Variants in LARGE1 observed in about 807,000 individuals in gnomAD.
LARGE1 encodes the protein xylosyl- and glucuronyltransferase LARGE1.
Under a neutral mutation model 87.6 loss-of-function variants are expected in LARGE1, and 43 were observed. The observed-to-expected ratio is 0.49, with a 90% CI of 0.38 to 0.63. The LOEUF (loss-of-function observed/expected upper bound fraction) is 0.63, where lower values mean the gene tolerates loss of function less well. Among genes scored for constraint, LARGE1 ranks in the 30% least tolerant of loss-of-function variants. The pLI, the probability that LARGE1 is intolerant of heterozygous loss-of-function variation, is 0.00. For synonymous variants in LARGE1, 434 were observed against 394.6 expected (o/e 1.10, Z -1.18); for missense variants, 802 against 1,000.2 (o/e 0.80, Z 2.67).
chr22:33,340,977 C>T (rs1939078871), intron 9 of LARGE1, among the ~76,000 whole-genome samples: 1 of 151,816 alleles, frequency 6.6e-6, no homozygotes, highest in Admixed American at 6.6e-5. Flanking sequence ...AATAGCTTTT[C>T]CCTCAATAGC....
chr22:33,198,676 C>CATAT lies in LARGE1; in HGVS notation c.1731-31845_1731-31844insATAT, dbSNP rs60375534. Among the ~76,000 whole-genome samples, 1,162 of 148,556 alleles carry CATAT rather than the reference C, an allele frequency of 7.8e-3. 12 individuals are homozygous for CATAT. The highest frequency in any genetic ancestry group is 0.022 in the African/African-American group (872 of 39,988). ...ACACACACACACACACACACACACACGTATCTAAAATACTATACTACATGG... is the reference window on the plus strand; with the variant it reads ...ACACACACACACACACACACACACACATATGTATCTAAAATACTATACTACATGG... On this transcript the variant is annotated intron_variant, in intron 11 of 11. Coordinates refer to the LARGE1 transcript ENST00000608642.
At position 33,267,422 on chromosome 22, in the gene LARGE1, C is replaced by T. The variant is rs574183251; in HGVS notation, c.1730+36807G>A. ...GATCTGTTGTCAAAGGACAGGATTA[C>T]ATCAAAGTCTTCCATCAATTTCTTT... On this transcript the variant is annotated intron_variant, in intron 11 of 11. Transcript: ENST00000608642. Among the ~76,000 whole-genome samples the T allele has an allele frequency of 4.0e-5, 6 of 151,832 alleles. 1 individual carries two copies. Among genetic ancestry groups the T allele is most frequent in the African/African-American group, 1.5e-4 (6 of 41,106 alleles).
intron 6 of LARGE1, among the ~76,000 whole-genome samples, chr22:33,467,787 G>A (rs2068675574): frequency 1.3e-5 from 2 of 152,162 alleles, no homozygotes; most frequent in East Asian, 1.9e-4. Flanking sequence ...CAACAGAGGC[G>A]CTGGCTGCTC....
chr22:33,873,645 C>T (rs184152726), intron 1 of LARGE1, among the ~76,000 whole-genome samples: 3 of 152,188 alleles, frequency 2.0e-5, no homozygotes, highest in Admixed American at 1.3e-4. Context: ...CAACGTGCCT[C>T]TGTTTACCCA....
chr22:33,216,250 C>T (rs1398784297), intron 11 of LARGE1, among the ~76,000 whole-genome samples: 1 of 152,190 alleles, frequency 6.6e-6, no homozygotes, highest in African/African-American at 2.4e-5. Flanking sequence ...TGAATGTGCC[C>T]TCCCCCACAA....
At chr22:33,219,817 GC>G (rs1170046155) in intron 11 of LARGE1, among the ~76,000 whole-genome samples, 6 of 152,118 alleles carry the variant, frequency 3.9e-5, no homozygotes, top group Non-Finnish European at 8.8e-5. Flanking sequence ...TGCCCAGCCT[GC>G]CCACGGAGCA....
intron 11 of LARGE1, chr22:33,305,546 G>A (rs1172462150): frequency 7.1e-6 from 7 of 979,342 alleles, no homozygotes; most frequent in Non-Finnish European, 8.5e-6. Context: ...CAAGAGGTAC[G>A]TAATCAGCAG....
At chr22:33,817,745 TTAGCATTCAG>T (rs1601689526) in intron 1 of LARGE1, among the ~76,000 whole-genome samples, 1 of 152,200 alleles carries the variant, frequency 6.6e-6, no homozygotes, top group Non-Finnish European at 1.5e-5. Context: ...CTCACCGATA[TTAGCATTCAG>T]TAGTACACCT....
chr22:33,919,614 G>A (rs566239542), intron 1 of LARGE1, among the ~76,000 whole-genome samples: 5 of 152,388 alleles, frequency 3.3e-5, no homozygotes, highest in African/African-American at 1.2e-4. Flanking sequence ...AAAGGTAGTT[G>A]CGTACCGCCC....
chr22:33,541,417 C>T (rs1460003546), intron 6 of LARGE1, among the ~76,000 whole-genome samples: 1 of 152,100 alleles, frequency 6.6e-6, no homozygotes, highest in Non-Finnish European at 1.5e-5. Flanking sequence ...AGAATCCATC[C>T]TATATGCACA....
intron 9 of LARGE1, among the ~76,000 whole-genome samples, chr22:33,374,242 A>G (rs1028385072): frequency 2.0e-5 from 3 of 152,184 alleles, no homozygotes; most frequent in African/African-American, 7.2e-5. Flanking sequence ...TACCCTTTTC[A>G]TCAGGTCGAC....
At chr22:33,579,344 G>C (rs955861066) in intron 5 of LARGE1, among the ~76,000 whole-genome samples, 28 of 152,194 alleles carry the variant, frequency 1.8e-4, no homozygotes, top group Admixed American at 1.8e-3. Flanking sequence ...TGATTGTGAG[G>C]CATCCCCAGC....
chr22:33,768,075 C>T (rs2084958999), intron 1 of LARGE1, among the ~76,000 whole-genome samples: 1 of 152,092 alleles, frequency 6.6e-6, no homozygotes, highest in African/African-American at 2.4e-5. Context: ...TTTGGGAGGC[C>T]GAGGCAGGCG....
intron 6 of LARGE1, among the ~76,000 whole-genome samples, chr22:33,549,750 G>A (rs114539958): frequency 6.6e-6 from 1 of 152,170 alleles, no homozygotes; most frequent in Non-Finnish European, 1.5e-5. Flanking sequence ...TATGAGTTAT[G>A]AACTGAAAAA....
At chr22:33,674,970 AG>A in intron 2 of LARGE1, among the ~76,000 whole-genome samples, 1 of 151,974 alleles carries the variant, frequency 6.6e-6, no homozygotes, top group African/African-American at 2.4e-5. Flanking sequence ...GTAGGGGCTC[AG>A]AAAAAAAAAA....
At chr22:33,075,559 G>A in the LARGE1 span, among the ~76,000 whole-genome samples, 1 of 152,144 alleles carries the variant, frequency 6.6e-6, no homozygotes, top group Admixed American at 6.5e-5. Context: ...ACCGAGGCTT[G>A]GAGAATGTTA....
At chr22:33,111,098 C>T in the LARGE1 span, among the ~76,000 whole-genome samples, 1 of 152,224 alleles carries the variant, frequency 6.6e-6, no homozygotes, top group East Asian at 1.9e-4. Flanking sequence ...GCACCAGTGA[C>T]TTTTGAGACC....
chr22:33,612,008 A>T (rs1195547763), intron 4 of LARGE1, among the ~76,000 whole-genome samples: 1 of 152,200 alleles, frequency 6.6e-6, no homozygotes, highest in Non-Finnish European at 1.5e-5. Context: ...AGGCCTCCCC[A>T]GAGGCCGAGC....
chr22:33,888,082 C>A (rs899717681), intron 1 of LARGE1, among the ~76,000 whole-genome samples: 1 of 152,122 alleles, frequency 6.6e-6, no homozygotes. Context: ...CACCAATGCT[C>A]CCGTTCCACA....
Sources: gnomAD v4.1 joint callset for allele counts (sites outside exome capture counted in the v4.1 genomes callset) on GRCh38, gnomAD v4.1.1 for gene constraint, MANE v1.5 for transcripts, NCBI Gene and HGNC (gene_info 2026-07-23, HGNC 2026-07-21) for gene names.